STIM2: variants seen among roughly 807,000 people sequenced by gnomAD.
The protein encoded by STIM2 is stromal interaction molecule 2.
STIM2 carries 31 observed loss-of-function variants against 85.8 expected under a neutral mutation model. The ratio of observed to expected loss-of-function variants is 0.36; its 90% CI spans 0.27 to 0.49. The LOEUF is 0.49. Among genes scored for constraint, STIM2 ranks in the 20% least tolerant of loss-of-function variants. The pLI is 0.98. For missense variants in STIM2, 841 were observed against 927.6 expected (o/e 0.91, Z 1.21); for synonymous variants, 356 against 331.1 (o/e 1.08, Z -0.82).
At chr4:26,980,498 G>A (rs959271725) in intron 3 of STIM2, among the ~76,000 whole-genome samples, 22 of 151,402 alleles carry the variant, frequency 1.5e-4, no homozygotes, top group Non-Finnish European at 2.2e-4. Flanking sequence ...AAACCAGTTC[G>A]TGCCTCTGGA....
chr4:27,000,305 A>G (rs1241569675), intron 5 of STIM2, among the ~76,000 whole-genome samples: 4 of 152,172 alleles, frequency 2.6e-5, no homozygotes, highest in Admixed American at 2.6e-4. Context: ...AACAGCTGGA[A>G]CTCCCCATAT....
intron 1 of STIM2, among the ~76,000 whole-genome samples, chr4:26,871,690 A>C (rs1486164483): frequency 6.8e-6 from 1 of 146,214 alleles, no homozygotes; most frequent in Non-Finnish European, 1.5e-5. Context: ...CTGGCCCATA[A>C]GTCTGTTTTC....
chr4:26,959,672 G>T (rs1255032740), intron 3 of STIM2, among the ~76,000 whole-genome samples: 1 of 151,132 alleles, frequency 6.6e-6, no homozygotes. Context: ...AGTGACTTTG[G>T]TGAGATCTTT....
chr4:26,872,674 CAA>C lies in STIM2; in HGVS notation c.151+11307_151+11308del, dbSNP rs1368303703. On this transcript the variant is annotated intron_variant, in intron 1 of 11. Coordinates refer to ENST00000467087, the MANE Select transcript of STIM2 (RefSeq NM_020860.4). ...AAGCATATGATAAGTATTGGGGACA[CAA>C]AGATGAATGAGATTGAGGTTTTTGT... 2.6e-5 allele frequency among the ~76,000 whole-genome samples: 4 copies of C among 152,016 alleles called. No homozygotes were observed. The East Asian group carries it at 7.7e-4, about 29-fold the overall frequency.
intron 7 of STIM2, 90 bp downstream of exon 7, chr4:27,003,194 T>G: frequency 8.0e-7 from 1 of 1,242,920 alleles, no homozygotes; most frequent in Non-Finnish European, 1.1e-6. Context: ...TTTCCTACAT[T>G]TAGTTCCACT....
intron 1 of STIM2, among the ~76,000 whole-genome samples, chr4:26,904,889 G>T (rs1269613181): frequency 6.6e-6 from 1 of 152,032 alleles, no homozygotes; most frequent in Admixed American, 6.6e-5. Context: ...GGGGCTAAGA[G>T]ATTTAGTTTA....
chr4:26,928,638 T>C (rs1725080616), intron 2 of STIM2, among the ~76,000 whole-genome samples: 1 of 152,184 alleles, frequency 6.6e-6, no homozygotes, highest in East Asian at 1.9e-4. Context: ...CCTCCCAAAG[T>C]GCTTGGATGA....
chr4:26,863,419 A>G (rs1384739351), intron 1 of STIM2, among the ~76,000 whole-genome samples: 2 of 152,186 alleles, frequency 1.3e-5, no homozygotes, highest in Non-Finnish European at 2.9e-5. Context: ...TTATGTAAAT[A>G]CAGTCAATAG....
At chr4:26,947,873 G>A (rs1217790608) in intron 2 of STIM2, among the ~76,000 whole-genome samples, 2 of 152,034 alleles carry the variant, frequency 1.3e-5, no homozygotes, top group African/African-American at 2.4e-5. Flanking sequence ...CCTTATAATC[G>A]TATGTCTATC....
intron 1 of STIM2, among the ~76,000 whole-genome samples, chr4:26,863,726 G>C (rs1023059250): frequency 1.3e-5 from 2 of 152,078 alleles, no homozygotes; most frequent in Admixed American, 6.5e-5. Context: ...TCAGTAATAA[G>C]AGAACTAAAC....
intron 8 of STIM2, among the ~76,000 whole-genome samples, 155 bp from the exon 9 acceptor site, chr4:27,008,273 T>C (rs1728438338): frequency 6.6e-6 from 1 of 152,226 alleles, no homozygotes; most frequent in South Asian, 2.1e-4. Flanking sequence ...TCTGTTTTCT[T>C]TTTTGGAATG....
At chr4:26,905,678 A>G (rs1724095976) in intron 1 of STIM2, among the ~76,000 whole-genome samples, 1 of 152,364 alleles carries the variant, frequency 6.6e-6, no homozygotes, top group Non-Finnish European at 1.5e-5. Context: ...ATAGAAAAAT[A>G]TAAATCGGCT....
chr4:27,013,111 C>G (rs1242829685), intron 10 of STIM2, among the ~76,000 whole-genome samples: 2 of 151,820 alleles, frequency 1.3e-5, no homozygotes, highest in African/African-American at 2.4e-5. Context: ...ATTTTGGTAT[C>G]AAGATTATAT....
At chr4:26,945,017 T>C (rs1266002972) in intron 2 of STIM2, among the ~76,000 whole-genome samples, 1 of 152,176 alleles carries the variant, frequency 6.6e-6, no homozygotes, top group African/African-American at 2.4e-5. Context: ...TCATGGGGGT[T>C]TGTTGTACAG....
At chr4:26,934,826 T>G (rs1725335006) in intron 2 of STIM2, among the ~76,000 whole-genome samples, 1 of 144,392 alleles carries the variant, frequency 6.9e-6, no homozygotes, top group Non-Finnish European at 1.5e-5. Flanking sequence ...GGCAGGAGAA[T>G]CACTTGAACC....
At chr4:27,018,440 C>T (rs906364454) in intron 11 of STIM2, among the ~76,000 whole-genome samples, 1 of 152,218 alleles carries the variant, frequency 6.6e-6, no homozygotes, top group African/African-American at 2.4e-5. Context: ...GCTGTAGATT[C>T]CTCCTTTGCT....
chr4:26,986,505 G>A (rs4692136), intron 3 of STIM2, among the ~76,000 whole-genome samples: 41,979 of 152,036 alleles, frequency 0.28, 5,927 homozygotes, highest in East Asian at 0.39. Flanking sequence ...GGGTGCATTG[G>A]TTTTGTAAGA....
At chr4:26,865,060 G>A (rs1029326961) in intron 1 of STIM2, among the ~76,000 whole-genome samples, 1 of 152,142 alleles carries the variant, frequency 6.6e-6, no homozygotes, top group African/African-American at 2.4e-5. Flanking sequence ...CAGATAGCCT[G>A]AGAGACCTTT....
intron 3 of STIM2, among the ~76,000 whole-genome samples, chr4:26,970,199 GTATATATATATATATATATA>G (rs67648567): frequency 0.08 from 7,321 of 91,066 alleles, 233 homozygotes; most frequent in South Asian, 0.14. Context: ...TAGTGTGTGT[GTATATATATATATATATATA>G]TATGTATATA....
Sources: gnomAD v4.1 joint callset for allele counts (sites outside exome capture counted in the v4.1 genomes callset) on GRCh38, gnomAD v4.1.1 for gene constraint, MANE v1.5 for transcripts, NCBI Gene and HGNC (gene_info 2026-07-23, HGNC 2026-07-21) for gene names.